Variants in SLC36A1 observed in about 807,000 individuals in gnomAD.
SLC36A1 encodes proton-coupled amino acid transporter 1.
In SLC36A1, 30 loss-of-function variants were observed where a neutral mutation model predicts 47.5. The observed-to-expected ratio is 0.63, with a 90% CI of 0.47 to 0.86. The LOEUF is 0.86. Ranked by LOEUF, SLC36A1 falls within the 40% of genes least tolerant of loss-of-function variation. SLC36A1 has a pLI of 0.00. For synonymous variants in SLC36A1, 255 were observed against 249.7 expected, an observed-to-expected ratio of 1.02 and a Z score of -0.20; for missense variants, 517 against 606.0, an observed-to-expected ratio of 0.85 and a Z score of 1.54.
chr5:151,442,577 A>G (rs925480232), intron 1 of SLC36A1, among the ~76,000 whole-genome samples: 4 of 152,158 alleles, frequency 2.6e-5, no homozygotes, highest in Non-Finnish European at 5.9e-5. Flanking sequence ...CTACAGAGCT[A>G]TAGAACTGAT....
chr5:151,438,362 C>T (rs1241248321), intron 1 of SLC36A1, among the ~76,000 whole-genome samples: 1 of 151,724 alleles, frequency 6.6e-6, no homozygotes, highest in African/African-American at 2.4e-5. Flanking sequence ...TTTATATGTC[C>T]TTGAGATCAA....
At chr5:151,408,490 T>A in the SLC36A1 span, among the ~76,000 whole-genome samples, 2 of 152,150 alleles carry the variant, frequency 1.3e-5, no homozygotes, top group Non-Finnish European at 2.9e-5. Flanking sequence ...CCTGGCCAAG[T>A]CAGTGTTTTA....
chr5:151,469,154 G>A, intron 7 of SLC36A1: 1 of 612,906 alleles, frequency 1.6e-6, no homozygotes, highest in East Asian at 2.8e-5. Context: ...TCATTAAAAT[G>A]CAGACAACAC....
the SLC36A1 span, among the ~76,000 whole-genome samples, chr5:151,345,888 G>T: frequency 1.3e-5 from 2 of 152,140 alleles, no homozygotes; most frequent in Non-Finnish European, 2.9e-5. Flanking sequence ...CACTGTGTCT[G>T]GGGTATTTAT....
upstream of SLC36A1, among the ~76,000 whole-genome samples, chr5:151,432,278 G>T (rs1295011879): frequency 4.6e-5 from 7 of 152,254 alleles, no homozygotes; most frequent in African/African-American, 1.7e-4. Context: ...ATGAAAAGAG[G>T]CATGAGTGTA....
chr5:151,528,877 G>A, the SLC36A1 span, among the ~76,000 whole-genome samples: 2 of 152,172 alleles, frequency 1.3e-5, no homozygotes, highest in Non-Finnish European at 2.9e-5. Context: ...GCCTCTGGCA[G>A]TCCTCTGGGG....
the SLC36A1 span, among the ~76,000 whole-genome samples, chr5:151,555,410 G>A: frequency 5.6e-5 from 7 of 124,686 alleles, no homozygotes; most frequent in East Asian, 2.4e-4. Flanking sequence ...TCGCTCTATC[G>A]CCCAGGCTGG....
the SLC36A1 span, chr5:151,382,398 G>A: frequency 1.5e-6 from 1 of 681,406 alleles, no homozygotes. Context: ...AGAATGCCCT[G>A]ACTCCAGGCA....
intron 1 of SLC36A1, among the ~76,000 whole-genome samples, chr5:151,454,833 C>T (rs1346458228): frequency 6.6e-6 from 1 of 151,864 alleles, no homozygotes. Flanking sequence ...CTGCCTCAGC[C>T]TCCCGAGTAG....
At chr5:151,494,336 T>C (rs2127557572), downstream of SLC36A1, among the ~76,000 whole-genome samples, 1 of 152,352 alleles carries the variant, frequency 6.6e-6, no homozygotes, top group South Asian at 2.1e-4. Context: ...AATTTAAATT[T>C]ACCTTTTTCA....
the SLC36A1 span, chr5:151,549,199 G>T: frequency 1.9e-4 from 220 of 1,137,138 alleles, no homozygotes; most frequent in Non-Finnish European, 2.7e-4. Context: ...TAATGAGCTT[G>T]GTACTTGATT....
the SLC36A1 span, among the ~76,000 whole-genome samples, chr5:151,431,556 G>A: frequency 6.6e-6 from 1 of 152,192 alleles, no homozygotes; most frequent in African/African-American, 2.4e-5. Flanking sequence ...ATGTGTTGTA[G>A]GAGGGACCCG....
chr5:151,467,868 G>A lies in SLC36A1; in HGVS notation c.666G>A (p.Leu222=). The stretch of plus-strand genomic sequence containing the variant: ...TCCGAGCCCTGTCCATCTTCTCCCT[G>A]TTGGCCAACATCACCATGCTGGTCA... ...RNLRALSIFS[L]LANITMLVSL... The change falls in exon 7 of 11, where the codon CTG becomes CTA. Residue 222 remains leucine, a synonymous_variant. Coordinates refer to ENST00000243389, the MANE Select transcript of SLC36A1 (RefSeq NM_078483.4). 1 of 1,613,832 alleles carries A rather than the reference G, an allele frequency of 6.2e-7. No homozygotes were observed. Among genetic ancestry groups the A allele is most frequent in the East Asian group, 2.2e-5 (1 of 44,844 alleles).
chr5:151,498,743 A>AT, the SLC36A1 span, among the ~76,000 whole-genome samples: 1 of 151,992 alleles, frequency 6.6e-6, no homozygotes, highest in East Asian at 1.9e-4. Flanking sequence ...TCCCTTTGGG[A>AT]TTTTCCCTTA....
At chr5:151,428,414 T>C in the SLC36A1 span, among the ~76,000 whole-genome samples, 1 of 152,010 alleles carries the variant, frequency 6.6e-6, no homozygotes, top group African/African-American at 2.4e-5. Flanking sequence ...GTGGCCTAGC[T>C]CCCAACTCAT....
chr5:151,402,993 G>T, the SLC36A1 span, among the ~76,000 whole-genome samples: 1 of 151,970 alleles, frequency 6.6e-6, no homozygotes, highest in Non-Finnish European at 1.5e-5. Context: ...GATTTTTGCG[G>T]TCTCAATATC....
At chr5:151,442,793 C>T (rs1032495527), upstream of SLC36A1, among the ~76,000 whole-genome samples, 1 of 152,114 alleles carries the variant, frequency 6.6e-6, no homozygotes, top group Admixed American at 6.5e-5. Context: ...TTCTCCACTT[C>T]CTTCCTCCAG....
the SLC36A1 span, chr5:151,525,744 C>T: frequency 5.0e-6 from 8 of 1,613,838 alleles, no homozygotes; most frequent in South Asian, 3.3e-5. Flanking sequence ...ATGGTCACCA[C>T]CAGAAGCCTA....
chr5:151,393,506 T>G, the SLC36A1 span, among the ~76,000 whole-genome samples: 1 of 152,224 alleles, frequency 6.6e-6, no homozygotes, highest in African/African-American at 2.4e-5. Context: ...ATCAATGGTC[T>G]TTACAATTTG....
Sources: gnomAD v4.1 joint callset for allele counts (sites outside exome capture counted in the v4.1 genomes callset) on GRCh38, gnomAD v4.1.1 for gene constraint, MANE v1.5 for transcripts, NCBI Gene and HGNC (gene_info 2026-07-23, HGNC 2026-07-21) for gene names.